Variants in SPRR2G observed in about 807,000 individuals in gnomAD.
SPRR2G encodes the protein small proline rich protein 2G.
SPRR2G carries 1 observed loss-of-function variant against 0.7 expected under a neutral mutation model. The ratio of observed to expected loss-of-function variants is 1.49; its 90% CI spans 0.53 to 7.06. SPRR2G has a LOEUF of 7.06. Among genes scored for constraint, SPRR2G ranks in the 30% most tolerant of loss-of-function variants. The pLI, the probability that SPRR2G is intolerant of heterozygous loss-of-function variation, is 0.14. For synonymous variants in SPRR2G, 38 were observed against 33.9 expected (o/e 1.12, Z -0.42); for missense variants, 96 against 88.5 (o/e 1.09, Z -0.34).
chr1:153,185,019 G>A, the SPRR2G span, among the ~76,000 whole-genome samples: 604 of 152,232 alleles, frequency 4.0e-3, 9 homozygotes, highest in African/African-American at 0.013. Flanking sequence ...ATTGATTTGC[G>A]TATGTTGAAC....
At chr1:153,198,681 G>A in the SPRR2G span, among the ~76,000 whole-genome samples, 1 of 152,130 alleles carries the variant, frequency 6.6e-6, no homozygotes, top group African/African-American at 2.4e-5. Context: ...CGCATAAGAG[G>A]AGCAAGAGGG....
At chr1:153,154,051 C>CTTTATCTGCCTCTATTTAGA (rs999415844), upstream of SPRR2G, among the ~76,000 whole-genome samples, 1 of 151,802 alleles carries the variant, frequency 6.6e-6, no homozygotes, top group African/African-American at 2.4e-5. Flanking sequence ...TTGTGGAAAG[C>CTTTATCTGCCTCTATTTAGA]TTTATCTGCC....
At chr1:153,181,661 A>C in the SPRR2G span, among the ~76,000 whole-genome samples, 1 of 150,852 alleles carries the variant, frequency 6.6e-6, no homozygotes, top group Non-Finnish European at 1.5e-5. Flanking sequence ...ATGATGGAAC[A>C]GGTGATCATT....
At chr1:153,197,677 A>G in the SPRR2G span, among the ~76,000 whole-genome samples, 1 of 152,200 alleles carries the variant, frequency 6.6e-6, no homozygotes, top group East Asian at 1.9e-4. Flanking sequence ...GAGTCAATCC[A>G]TGGGGAGCAC....
the SPRR2G span, among the ~76,000 whole-genome samples, chr1:153,186,663 C>T: frequency 6.6e-6 from 1 of 152,114 alleles, no homozygotes; most frequent in Non-Finnish European, 1.5e-5. Flanking sequence ...CTTTGCCAGT[C>T]TGTGTCTTGT....
rs774709561 is a variant in SPRR2G, at chr1:153,149,924, G to A, written c.187C>T (p.Pro63Ser). The change falls in exon 2 of 2, where the codon CCC (proline) becomes TCC (serine). Residue 63 changes from proline to serine, a missense_variant. Transcript: ENST00000368748. Reference protein sequence around the residue: ...DKCPPVQPYPPCQQKYPPKSK With the variant: ...DKCPPVQPYPSCQQKYPPKSK ...TTGGGTGGATACTTCTGCTGGCAGG[G>A]TGGGTATGGTTGCACAGGAGGGCAT... 6.2e-7 allele frequency: 1 copy of A among 1,614,076 alleles called. No individual in the cohort carries two copies. Among genetic ancestry groups the A allele is most frequent in the Non-Finnish European group, 8.5e-7 (1 of 1,180,014 alleles).
chr1:153,201,304 G>A, the SPRR2G span, among the ~76,000 whole-genome samples: 4,367 of 152,296 alleles, frequency 0.029, 215 homozygotes, highest in African/African-American at 0.099. Flanking sequence ...ATGGGCAAAC[G>A]TCCTACTGAA....
the SPRR2G span, among the ~76,000 whole-genome samples, chr1:153,171,713 G>A: frequency 1.3e-5 from 2 of 152,154 alleles, no homozygotes; most frequent in African/African-American, 4.8e-5. Context: ...GCCAACAGAT[G>A]GTGGTCCCAT....
chr1:153,170,236 G>C, the SPRR2G span, among the ~76,000 whole-genome samples: 1 of 152,148 alleles, frequency 6.6e-6, no homozygotes, highest in Non-Finnish European at 1.5e-5. Context: ...AAGTTGTTAA[G>C]AGAGTTTAAC....
chr1:153,184,431 T>C, the SPRR2G span, among the ~76,000 whole-genome samples: 2 of 152,232 alleles, frequency 1.3e-5, no homozygotes, highest in East Asian at 3.8e-4. Flanking sequence ...ACGTCCATTG[T>C]AAGTTGCATT....
the SPRR2G span, among the ~76,000 whole-genome samples, chr1:153,177,501 C>G: frequency 6.6e-6 from 1 of 152,126 alleles, no homozygotes; most frequent in African/African-American, 2.4e-5. Flanking sequence ...ACCTCCTTGC[C>G]ACACTTGCTT....
At chr1:153,192,488 G>A in the SPRR2G span, among the ~76,000 whole-genome samples, 1 of 152,146 alleles carries the variant, frequency 6.6e-6, no homozygotes, top group Non-Finnish European at 1.5e-5. Flanking sequence ...GAGTGGAGAT[G>A]GAAGAGAAAG....
chr1:153,162,692 A>C, the SPRR2G span, among the ~76,000 whole-genome samples: 1 of 152,156 alleles, frequency 6.6e-6, no homozygotes, highest in Non-Finnish European at 1.5e-5. Flanking sequence ...CTCAAACTCC[A>C]TGGCCTGACC....
the SPRR2G span, among the ~76,000 whole-genome samples, chr1:153,194,416 C>G: frequency 6.6e-6 from 1 of 152,300 alleles, no homozygotes; most frequent in Non-Finnish European, 1.5e-5. Context: ...CTTGCTGGGC[C>G]AGACAGTTGA....
chr1:153,170,168 T>C, the SPRR2G span, among the ~76,000 whole-genome samples: 1 of 152,174 alleles, frequency 6.6e-6, no homozygotes, highest in African/African-American at 2.4e-5. Flanking sequence ...ATTGTATTAG[T>C]CAGTGGGAGA....
the SPRR2G span, among the ~76,000 whole-genome samples, chr1:153,195,282 C>T: frequency 0.016 from 2,423 of 152,314 alleles, 59 homozygotes; most frequent in African/African-American, 0.056. Flanking sequence ...CTTTCATCTA[C>T]TGAAAGAGAA....
the SPRR2G span, among the ~76,000 whole-genome samples, chr1:153,170,719 G>A: frequency 6.6e-6 from 1 of 152,064 alleles, no homozygotes; most frequent in African/African-American, 2.4e-5. Flanking sequence ...ATCAGCTCAG[G>A]ATCCCACAGA....
At chr1:153,197,196 A>T in the SPRR2G span, among the ~76,000 whole-genome samples, 1 of 146,470 alleles carries the variant, frequency 6.8e-6, no homozygotes, top group African/African-American at 2.6e-5. Flanking sequence ...GAGGATGAAG[A>T]GGAGGTGCAG....
At chr1:153,171,494 C>A in the SPRR2G span, among the ~76,000 whole-genome samples, 5 of 152,196 alleles carry the variant, frequency 3.3e-5, no homozygotes, top group Non-Finnish European at 5.9e-5. Context: ...ACCATATACC[C>A]TTTCAGTACC....
Sources: gnomAD v4.1 joint callset for allele counts (sites outside exome capture counted in the v4.1 genomes callset) on GRCh38, gnomAD v4.1.1 for gene constraint, MANE v1.5 for transcripts, NCBI Gene and HGNC (gene_info 2026-07-23, HGNC 2026-07-21) for gene names.